Variants in RABGAP1L observed in about 807,000 individuals in gnomAD.
The protein encoded by RABGAP1L is rab GTPase-activating protein 1-like.
RABGAP1L carries 63 observed loss-of-function variants against 137.7 expected under a neutral mutation model. The ratio of observed to expected loss-of-function variants is 0.46; its 90% CI spans 0.37 to 0.56. The LOEUF (loss-of-function observed/expected upper bound fraction) is 0.56, where lower values mean the gene tolerates loss of function less well. Ranked by LOEUF, RABGAP1L falls within the 20% of genes least tolerant of loss-of-function variation. The probability of loss-of-function intolerance (pLI) is 0.00; values close to 1 mark genes in which losing one functional copy is unlikely to be tolerated. For missense variants in RABGAP1L, 1,095 were observed against 1,244.0 expected, an observed-to-expected ratio of 0.88 and a Z score of 1.80; for synonymous variants, 431 against 433.7, an observed-to-expected ratio of 0.99 and a Z score of 0.08.
chr1:174,348,121 G>A (rs1325251472), intron 11 of RABGAP1L, among the ~76,000 whole-genome samples: 1 of 150,850 alleles, frequency 6.6e-6, no homozygotes, highest in Non-Finnish European at 1.5e-5. Context: ...ATTTTTTTTG[G>A]TGGTGTGCTT....
chr1:174,642,913 T>C (rs1674660045), intron 14 of RABGAP1L, among the ~76,000 whole-genome samples: 1 of 151,858 alleles, frequency 6.6e-6, no homozygotes, highest in Admixed American at 6.6e-5. Context: ...CCCTTCCAAG[T>C]AGCTGGGATT....
intron 1 of RABGAP1L, among the ~76,000 whole-genome samples, chr1:174,198,771 G>A (rs1013393034): frequency 3.9e-5 from 6 of 152,214 alleles, no homozygotes; most frequent in Non-Finnish European, 7.3e-5. Flanking sequence ...ACTAGCAGGT[G>A]TCTTGGCTTG....
intron 18 of RABGAP1L, among the ~76,000 whole-genome samples, chr1:174,778,155 A>C (rs956385733): frequency 6.6e-5 from 10 of 152,222 alleles, no homozygotes; most frequent in Non-Finnish European, 1.5e-4. Context: ...TAAAATCTTA[A>C]AAAGCATCCA....
At chr1:174,408,513 G>A (rs1649534952) in intron 13 of RABGAP1L, among the ~76,000 whole-genome samples, 2 of 145,484 alleles carry the variant, frequency 1.4e-5, no homozygotes, top group South Asian at 4.4e-4. Flanking sequence ...TGTGAATAGT[G>A]CTGCAGTGAA....
chr1:174,969,216 T>C, intron 20 of RABGAP1L, 61 bp from the exon 21 acceptor site: 1 of 1,275,678 alleles, frequency 7.8e-7, no homozygotes, highest in Non-Finnish European at 1.1e-6. Context: ...TCCTCACCAG[T>C]TCTGTTCGTT....
intron 19 of RABGAP1L, among the ~76,000 whole-genome samples, chr1:174,909,406 T>C (rs1243849308): frequency 1.3e-5 from 2 of 152,030 alleles, no homozygotes; most frequent in African/African-American, 4.8e-5. Context: ...TTTTAAATAT[T>C]TGTGGAGATG....
intron 19 of RABGAP1L, among the ~76,000 whole-genome samples, chr1:174,879,044 C>G (rs1653689150): frequency 6.8e-6 from 1 of 147,470 alleles, no homozygotes; most frequent in South Asian, 2.1e-4. Context: ...AAGTGATTCT[C>G]CTGCCTCAGC....
At chr1:174,521,599 G>T (rs1663399440) in intron 13 of RABGAP1L, among the ~76,000 whole-genome samples, 1 of 152,194 alleles carries the variant, frequency 6.6e-6, no homozygotes, top group African/African-American at 2.4e-5. Flanking sequence ...CAAGGGCAAA[G>T]AAAATTAGCG....
Position 174,988,856 on chromosome 1 carries a change from A to G in RABGAP1L, c.3003+18A>G, listed in dbSNP as rs1671830679. 5.2e-6 allele frequency: 8 copies of G among 1,526,042 alleles called. No individual in the cohort carries two copies. The highest frequency in any genetic ancestry group is 7.0e-6 in the Non-Finnish European group (8 of 1,135,374). 94.5% of individuals were successfully genotyped at this position (1,526,042 alleles called of 1,614,324 possible). ...AAATTCAGGTTGGTGATTTGATAAA[A>G]GAACAAGAAGAAAGAATAAACAATT... On this transcript the variant is annotated intron_variant, in intron 25 of 25. Coordinates refer to ENST00000681986, the MANE Select transcript of RABGAP1L (RefSeq NM_001366446.1).
chr1:174,375,798 C>T (rs1685477435), intron 12 of RABGAP1L, among the ~76,000 whole-genome samples: 1 of 152,264 alleles, frequency 6.6e-6, no homozygotes, highest in Middle Eastern at 3.4e-3. Flanking sequence ...GGCACAGTGG[C>T]TCATGCCTGT....
At chr1:174,527,753 G>A (rs192876886) in intron 13 of RABGAP1L, among the ~76,000 whole-genome samples, 3 of 152,166 alleles carry the variant, frequency 2.0e-5, no homozygotes, top group Non-Finnish European at 4.4e-5. Context: ...TCCCACTATC[G>A]TGTTGGAGCC....
chr1:174,679,744 A>G (rs888858289), intron 14 of RABGAP1L, among the ~76,000 whole-genome samples: 9 of 152,382 alleles, frequency 5.9e-5, no homozygotes, highest in Middle Eastern at 3.4e-3. Context: ...TATTGTGAAG[A>G]TACCATTCTC....
At chr1:174,897,685 A>G (rs1443116728) in intron 19 of RABGAP1L, 3 of 152,230 alleles carry the variant, frequency 2.0e-5, no homozygotes, top group Admixed American at 6.5e-5. Context: ...AGTATGTTTG[A>G]TATTCTTCAA....
At position 174,460,147 on chromosome 1, in the gene RABGAP1L, A is replaced by G. The variant is rs1021305009; in HGVS notation, c.1710+66002A>G. Among the ~76,000 whole-genome samples the G allele has an allele frequency of 3.9e-5, 6 of 152,140 alleles. No homozygotes were observed. In the East Asian group the frequency reaches 7.7e-4, roughly 19 times the overall value. On this transcript the variant is annotated intron_variant, in intron 13 of 25. Transcript: ENST00000681986. ...AATTGGCACCTTTTAATTTCTGACA[A>G]TGTTGTAAAAGGATGAGTTATAGCA...
chr1:174,619,605 C>T lies in RABGAP1L; in HGVS notation c.1711-17770C>T, dbSNP rs943967005. ...AGCAAATGCTGAGAGATTTTGTCAC[C>T]ACCAGGCCTGCCCTAAAAGAGCTCC... is the stretch of plus-strand genomic sequence containing the variant. On this transcript the variant is annotated intron_variant, in intron 13 of 25. Coordinates refer to ENST00000681986, the MANE Select transcript of RABGAP1L (RefSeq NM_001366446.1). 8.5e-5 allele frequency among the ~76,000 whole-genome samples: 13 copies of T among 152,238 alleles called. 2 individuals carry two copies. The highest frequency in any genetic ancestry group is 3.1e-4 in the African/African-American group (13 of 41,544).
intron 18 of RABGAP1L, among the ~76,000 whole-genome samples, chr1:174,804,281 GT>G (rs778667940): frequency 4.3e-5 from 6 of 139,266 alleles, no homozygotes; most frequent in African/African-American, 7.9e-5. Flanking sequence ...TTTGTTTTTT[GT>G]TTTTTTTTTT....
At chr1:174,946,957 T>G (rs1666952449) in intron 19 of RABGAP1L, among the ~76,000 whole-genome samples, 1 of 118,910 alleles carries the variant, frequency 8.4e-6, no homozygotes, top group Non-Finnish European at 1.8e-5. Context: ...TGTGTGTGTG[T>G]GTGTGTGTGT....
chr1:174,712,900 C>G (rs1156400596), intron 17 of RABGAP1L, among the ~76,000 whole-genome samples: 1 of 152,188 alleles, frequency 6.6e-6, no homozygotes, highest in Non-Finnish European at 1.5e-5. Flanking sequence ...CTCCCAACGT[C>G]CAGCCGCTTG....
intron 19 of RABGAP1L, among the ~76,000 whole-genome samples, chr1:174,837,661 G>C (rs1692908016): frequency 6.6e-6 from 1 of 152,158 alleles, no homozygotes; most frequent in South Asian, 2.1e-4. Context: ...CAGATGCCAG[G>C]CCAGGCTGAA....
Sources: allele counts gnomAD v4.1 joint callset (sites outside exome capture counted in the v4.1 genomes callset), GRCh38; gene constraint gnomAD v4.1.1; transcripts MANE v1.5; gene names NCBI Gene and HGNC (gene_info 2026-07-23, HGNC 2026-07-21).